Variants in CDK10 observed in about 807,000 individuals in gnomAD.
CDK10 encodes the protein cyclin dependent kinase 10.
In CDK10, 55 loss-of-function variants were observed where a neutral mutation model predicts 51.0. The ratio of observed to expected loss-of-function variants is 1.08; its 90% CI spans 0.87 to 1.35. The LOEUF (loss-of-function observed/expected upper bound fraction) is 1.35. Ranked by LOEUF, CDK10 falls within the 40% of genes most tolerant of loss-of-function variation. The probability of loss-of-function intolerance (pLI) is 0.00; values close to 1 mark genes in which losing one functional copy is unlikely to be tolerated. For missense variants in CDK10, 589 were observed against 485.1 expected, an observed-to-expected ratio of 1.21 and a Z score of -2.01; for synonymous variants, 255 against 199.1, an observed-to-expected ratio of 1.28 and a Z score of -2.36.
Position 89,694,970 on chromosome 16 carries a change from C to A in CDK10, c.832C>A (p.Arg278=). 1.2e-6 allele frequency: 2 copies of A among 1,613,362 alleles called. No individual in the cohort carries two copies. Among genetic ancestry groups the A allele is most frequent in the Non-Finnish European group, 8.5e-7 (1 of 1,180,020 alleles). ...GCCACTGGTCGGCCAGTACAGCCTC[C>A]GGAAGCAGCCCTACAACAACCTGAA... ...KLPLVGQYSL[R]KQPYNNLKHK... is the part of the protein sequence containing the mutation. The change falls in exon 11 of 13, where the codon CGG becomes AGG. Residue 278 remains arginine (R), a synonymous_variant. Transcript: ENST00000353379.
chr16:89,691,683 C>T (rs1175339652), intron 4 of CDK10, 123 bp from the exon 5 acceptor site: 9 of 1,240,236 alleles, frequency 7.3e-6, no homozygotes, highest in Non-Finnish European at 1.1e-5. Context: ...CCGCCTGGCT[C>T]AGCCCATTGT....
intron 5 of CDK10, chr16:89,692,191 C>A: frequency 3.6e-6 from 2 of 558,774 alleles, no homozygotes; most frequent in East Asian, 6.2e-5. Flanking sequence ...GAGCGGGGAG[C>A]CCTGGGCGGA....
chr16:89,693,767 G>A, intron 8 of CDK10: 1 of 555,936 alleles, frequency 1.8e-6, no homozygotes, highest in Non-Finnish European at 3.2e-6. Context: ...TTCACGGACT[G>A]AAGGACAGGC....
intron 2 of CDK10, chr16:89,689,667 C>T: frequency 4.1e-6 from 1 of 243,850 alleles, no homozygotes; most frequent in Non-Finnish European, 8.1e-6. Flanking sequence ...GGAGGAGTCA[C>T]CTGAGCCCAG....
chr16:89,687,181 T>G (rs944151739), intron 1 of CDK10: 13 of 241,968 alleles, frequency 5.4e-5, no homozygotes, highest in Non-Finnish European at 1.7e-5. Context: ...AGTTCGAGCT[T>G]GAAGGCTCCC....
At chr16:89,686,988 T>C (rs188472250) in intron 1 of CDK10, 191 bp downstream of exon 1, 423 of 520,994 alleles carry the variant, frequency 8.1e-4, no homozygotes, top group Middle Eastern at 2.1e-3. Flanking sequence ...AGCCGGTCCC[T>C]GGAGATCTGA....
At position 89,695,990 on chromosome 16, in the gene CDK10, A is replaced by G; in HGVS notation, c.*298A>G. On this transcript the variant is annotated 3_prime_UTR_variant, in exon 13 of 13. Transcript: ENST00000353379. ...CTCCTCGCTATGTTGGAAATGTGCA[A>G]CCACTGCTTCTTGGGAGGAGTGGTG... is the stretch of plus-strand genomic sequence containing the variant. The G allele has an allele frequency of 1.6e-6, 1 of 608,674 alleles. No individual in the cohort carries two copies. The highest frequency in any genetic ancestry group is 2.8e-5 in the East Asian group (1 of 36,284). 37.7% of individuals were successfully genotyped at this position (608,674 alleles called of 1,614,324 possible).
intron 9 of CDK10, 116 bp downstream of exon 9, chr16:89,694,348 C>G (rs774958789): frequency 8.9e-7 from 1 of 1,117,692 alleles, no homozygotes; most frequent in Non-Finnish European, 1.3e-6. Flanking sequence ...GGGGTCTTTG[C>G]CAGCCTCCCA....
Position 89,695,312 on chromosome 16 carries a change from C to T in CDK10, c.952C>T (p.Leu318=), listed in dbSNP as rs143327052. 3 of 1,612,210 alleles carry T rather than the reference C, an allele frequency of 1.9e-6. No homozygotes were observed. The African/African-American group carries it at 4.0e-5, about 22-fold the overall frequency. The change falls in exon 12 of 13, where the codon CTG becomes TTG. Residue 318 remains leucine, a synonymous_variant. Transcript: ENST00000353379. ...PKKRATAGDC[L]ESSYFKEKPL... ...CTCCAGGGCGACGGCCGGGGACTGC[C>T]TGGAGAGCTCCTATTTCAAGGAGAA...
chr16:89,693,224 C>G, intron 6 of CDK10, 50 bp from the exon 7 acceptor site: 1 of 1,579,960 alleles, frequency 6.3e-7, no homozygotes, highest in South Asian at 1.1e-5. Context: ...GGGGAGCTCT[C>G]AGCCCCTGTG....
chr16:89,692,677 C>T (rs80198871), intron 6 of CDK10, 161 bp downstream of exon 6: 2 of 498,604 alleles, frequency 4.0e-6, no homozygotes, highest in African/African-American at 4.1e-5. Context: ...AGGGGTCTCT[C>T]TGTGTTGCCC....
chr16:89,687,666 T>G (rs542528614), intron 1 of CDK10: 1 of 440,374 alleles, frequency 2.3e-6, no homozygotes, highest in South Asian at 1.6e-5. Flanking sequence ...TGGGCTCAAG[T>G]GATCTTCCTG....
At position 89,692,476 on chromosome 16, in the gene CDK10, C is replaced by G; in HGVS notation, c.445C>G (p.Arg149Gly). The G allele has an allele frequency of 6.3e-7, 1 of 1,596,542 alleles. No homozygotes were observed. The highest frequency in any genetic ancestry group is 8.5e-7 in the Non-Finnish European group (1 of 1,171,198). Residue 149 changes from arginine (R) to glycine (G), a missense_variant, in exon 6 of 13, where the codon CGG becomes GGG. Physicochemically the swap from Arg to Gly is moderately radical, Grantham distance 125 (BLOSUM62 -2). Transcript: ENST00000353379. ...CAAGTGCATCGTGCTGCAGGTGCTC[C>G]GGGGCCTCCAGTATCTGCACAGGAA... ...QVKCIVLQVL[R>G]GLQYLHRNFI...
rs1208983179 is a variant in CDK10, at chr16:89,696,035, CTT to C, written c.*345_*346del. ...GTGGTGGGTGCAGTCCCCCCGCTGT[CTT>C]TGAGTTGTGGTGGACGCTGGCCTGG... On this transcript the variant is annotated 3_prime_UTR_variant, in exon 13 of 13. Transcript: ENST00000353379. The C allele has an allele frequency of 1.7e-6, 1 of 583,434 alleles. No homozygotes were observed. Among genetic ancestry groups the C allele is most frequent in the Non-Finnish European group, 3.1e-6 (1 of 325,576 alleles). The allele number at this position is 583,434 out of a possible 1,614,324, so 36.1% of individuals were successfully genotyped here. A position where few individuals can be genotyped will look rare whatever the true frequency, so the allele number is the denominator to read the frequency against.
intron 2 of CDK10, chr16:89,689,818 G>C (rs2060361005): frequency 6.4e-6 from 1 of 155,484 alleles, no homozygotes; most frequent in South Asian, 1.9e-4. Flanking sequence ...TGAGTATCTG[G>C]GACCACAAGA....
intron 3 of CDK10, among the ~76,000 whole-genome samples, chr16:89,691,052 G>A (rs1308070298): frequency 3.3e-5 from 5 of 152,220 alleles, no homozygotes; most frequent in East Asian, 1.9e-4. Flanking sequence ...TTGGGAGGCC[G>A]AGGCAGGCGG....
chr16:89,687,665 G>A (rs1220151582), intron 1 of CDK10: 1 of 441,584 alleles, frequency 2.3e-6, no homozygotes, highest in Non-Finnish European at 4.6e-6. Context: ...CTGGGCTCAA[G>A]TGATCTTCCT....
At position 89,686,715 on chromosome 16, in the gene CDK10, C is replaced by T. The variant is rs746422526; in HGVS notation, c.5C>T (p.Ala2Val). 1.0e-5 allele frequency: 16 copies of T among 1,600,078 alleles called. No homozygotes were observed. The highest frequency in any genetic ancestry group is 4.6e-5 in the East Asian group (2 of 43,712). ...GAGGCGGGGCCAGCGCTCGGCATGG[C>T]GGAGCCAGATCTGGAGTGCGAGCAG... M[A>V]EPDLECEQIR... Residue 2 changes from alanine (A) to valine (V), a missense_variant, in exon 1 of 13, where the codon GCG becomes GTG. Coordinates refer to ENST00000353379, the MANE Select transcript of CDK10 (RefSeq NM_052988.5).
intron 8 of CDK10, chr16:89,693,917 G>T (rs2060570718): frequency 3.4e-6 from 2 of 593,532 alleles, no homozygotes; most frequent in Non-Finnish European, 6.0e-6. Flanking sequence ...AGAACGGGTT[G>T]GTAGTGGCTG....
Sources: allele counts gnomAD v4.1 joint callset (sites outside exome capture counted in the v4.1 genomes callset), GRCh38; gene constraint gnomAD v4.1.1; transcripts MANE v1.5; gene names NCBI Gene and HGNC (gene_info 2026-07-23, HGNC 2026-07-21).